ERC2: variants seen among roughly 807,000 people sequenced by gnomAD.
The protein encoded by ERC2 is ELKS/RAB6-interacting/CAST family member 2.
Under a neutral mutation model 114.8 loss-of-function variants are expected in ERC2, and 42 were observed. The ratio of observed to expected loss-of-function variants is 0.37; its 90% CI spans 0.29 to 0.47. ERC2 has a LOEUF of 0.47. ERC2 is among the 20% of genes least tolerant of loss of function. The pLI is 0.99. For missense variants in ERC2, 939 were observed against 1,150.7 expected (o/e 0.82, Z 2.66); for synonymous variants, 454 against 425.5 (o/e 1.07, Z -0.82).
At chr3:56,064,644 A>G (rs1335693268) in intron 7 of ERC2, among the ~76,000 whole-genome samples, 1 of 152,232 alleles carries the variant, frequency 6.6e-6, no homozygotes, top group Non-Finnish European at 1.5e-5. Context: ...TGAGGCAAAC[A>G]GTAAATATAG....
chr3:55,804,686 C>T (rs1037506442), intron 14 of ERC2, among the ~76,000 whole-genome samples: 12 of 152,174 alleles, frequency 7.9e-5, no homozygotes, highest in East Asian at 1.9e-4. Context: ...TCTGTAACTC[C>T]GCCCTCCGGT....
intron 3 of ERC2, among the ~76,000 whole-genome samples, chr3:56,260,447 G>A (rs746863098): frequency 7.2e-5 from 11 of 152,214 alleles, no homozygotes; most frequent in Non-Finnish European, 1.0e-4. Context: ...TCGCCCCCGC[G>A]CCCCAGCCCT....
At chr3:55,702,454 G>A (rs1010249637) in intron 15 of ERC2, among the ~76,000 whole-genome samples, 4 of 152,144 alleles carry the variant, frequency 2.6e-5, no homozygotes, top group African/African-American at 4.8e-5. Flanking sequence ...ATTTCTTACC[G>A]GCTAGTTGCT....
At chr3:55,675,656 G>A (rs2061751971) in intron 17 of ERC2, among the ~76,000 whole-genome samples, 1 of 152,058 alleles carries the variant, frequency 6.6e-6, no homozygotes, top group Non-Finnish European at 1.5e-5. Context: ...CAATTGGATG[G>A]CTCCCCAAAG....
chr3:56,458,692 C>G (rs73077792), intron 1 of ERC2, among the ~76,000 whole-genome samples: 9,199 of 152,088 alleles, frequency 0.06, 381 homozygotes, highest in South Asian at 0.2. Context: ...TGCTTCCTGT[C>G]AGGGAGAGGC....
chr3:55,986,078 TAG>T, intron 11 of ERC2, 90 bp from the exon 12 acceptor site: 2 of 1,204,588 alleles, frequency 1.7e-6, no homozygotes, highest in Non-Finnish European at 2.4e-6. Context: ...GGAAATGCAT[TAG>T]TTTTAAACAT....
intron 14 of ERC2, among the ~76,000 whole-genome samples, chr3:55,789,895 G>A (rs908428070): frequency 2.0e-5 from 3 of 152,172 alleles, no homozygotes; most frequent in Non-Finnish European, 4.4e-5. Flanking sequence ...CATTGACACC[G>A]TTGGGAAATG....
intron 14 of ERC2, among the ~76,000 whole-genome samples, chr3:55,859,326 C>G (rs973806311): frequency 1.3e-5 from 2 of 152,078 alleles, no homozygotes; most frequent in African/African-American, 2.4e-5. Context: ...CCCTCACCCC[C>G]TCGCAGTAAC....
chr3:55,736,136 A>C (rs1242348361), intron 14 of ERC2, among the ~76,000 whole-genome samples: 1 of 152,212 alleles, frequency 6.6e-6, no homozygotes, highest in Non-Finnish European at 1.5e-5. Context: ...AAGAGAGTAA[A>C]GTCATCTTTC....
intron 17 of ERC2, among the ~76,000 whole-genome samples, chr3:55,517,368 A>G (rs964148973): frequency 4.8e-5 from 7 of 145,918 alleles, no homozygotes; most frequent in Non-Finnish European, 1.0e-4. Flanking sequence ...TTGAACCAGG[A>G]AGGTGGAGGT....
intron 13 of ERC2, among the ~76,000 whole-genome samples, chr3:55,946,505 A>G (rs917411931): frequency 6.6e-6 from 1 of 152,190 alleles, no homozygotes. Context: ...CTAAAAGCTC[A>G]TTATCAGTCT....
chr3:55,605,775 AG>A (rs1575740967), intron 17 of ERC2, among the ~76,000 whole-genome samples: 1 of 152,220 alleles, frequency 6.6e-6, no homozygotes, highest in Non-Finnish European at 1.5e-5. Flanking sequence ...CAATTTCCTT[AG>A]AACTCAGGAA....
intron 3 of ERC2, among the ~76,000 whole-genome samples, chr3:56,245,510 TTGTGTGTGTG>T (rs34578755): frequency 4.7e-5 from 7 of 149,326 alleles, no homozygotes; most frequent in African/African-American, 7.4e-5. Context: ...GTGTGGTATG[TTGTGTGTGTG>T]TGTGTGTGTG....
intron 7 of ERC2, among the ~76,000 whole-genome samples, chr3:56,023,417 C>G (rs1461945680): frequency 6.6e-6 from 1 of 152,126 alleles, no homozygotes; most frequent in Non-Finnish European, 1.5e-5. Context: ...GTGCTATTCC[C>G]TAGCACGAGG....
At chr3:55,717,583 T>C (rs929012041) in intron 15 of ERC2, among the ~76,000 whole-genome samples, 6 of 152,174 alleles carry the variant, frequency 3.9e-5, no homozygotes, top group Non-Finnish European at 8.8e-5. Flanking sequence ...AATAAGTATG[T>C]GGTTTCTGTT....
At chr3:55,667,658 C>A (rs1252361940) in intron 17 of ERC2, among the ~76,000 whole-genome samples, 1 of 152,220 alleles carries the variant, frequency 6.6e-6, no homozygotes, top group East Asian at 1.9e-4. Context: ...TAAGCAATTA[C>A]ACCGTGCCCA....
chr3:55,908,086 G>A (rs540797555), intron 13 of ERC2, among the ~76,000 whole-genome samples: 1 of 152,282 alleles, frequency 6.6e-6, no homozygotes. Flanking sequence ...AGCAGTTATT[G>A]TCAAGGCCTG....
In ERC2 at chr3:55,530,589, G is replaced by A. The variant is rs556065090; in HGVS notation, c.*40-19313C>T. ...CCTCAGCTCATCTCCTATGGTTGGA[G>A]CCTACAAAAATCTCCCTGCGAGAAC... On this transcript the variant is annotated intron_variant, in intron 17 of 17. Coordinates refer to ENST00000288221, the MANE Select transcript of ERC2 (RefSeq NM_015576.3). 7.2e-5 allele frequency among the ~76,000 whole-genome samples: 11 copies of A among 152,268 alleles called. No homozygotes were observed. The South Asian group carries it at 2.3e-3, about 32-fold the overall frequency.
intron 14 of ERC2, among the ~76,000 whole-genome samples, chr3:55,813,500 C>T (rs1402155051): frequency 6.6e-6 from 1 of 152,162 alleles, no homozygotes; most frequent in Non-Finnish European, 1.5e-5. Context: ...CGTTCCCTTA[C>T]TCCACACTGC....
Sources: gnomAD v4.1 joint callset for allele counts (sites outside exome capture counted in the v4.1 genomes callset) on GRCh38, gnomAD v4.1.1 for gene constraint, MANE v1.5 for transcripts, NCBI Gene and HGNC (gene_info 2026-07-23, HGNC 2026-07-21) for gene names.